The following CDC27 variants were observed in gnomAD, a reference collection of about 807,000 sequenced individuals.
CDC27 encodes the protein cell division cycle 27.
CDC27 carries 27 observed loss-of-function variants against 109.7 expected under a neutral mutation model. That is an observed-to-expected ratio of 0.25 (90% CI 0.18 to 0.34). CDC27 has a LOEUF of 0.34. CDC27 is among the 10% of genes least tolerant of loss of function. CDC27 has a pLI of 1.00. For synonymous variants in CDC27, 266 were observed against 333.9 expected (o/e 0.80, Z 2.22); for missense variants, 579 against 960.2 (o/e 0.60, Z 5.25).
chr17:47,183,169 T>C (rs1232488026), intron 1 of CDC27, among the ~76,000 whole-genome samples: 1 of 152,232 alleles, frequency 6.6e-6, no homozygotes, highest in Non-Finnish European at 1.5e-5. Flanking sequence ...CACCTGATCA[T>C]GATACAAGCG....
At chr17:47,181,862 T>C (rs1313207560) in intron 1 of CDC27, among the ~76,000 whole-genome samples, 1 of 152,216 alleles carries the variant, frequency 6.6e-6, no homozygotes, top group Admixed American at 6.5e-5. Context: ...ACTTTTAGGC[T>C]TCTGTGCCTT....
chr17:47,144,871 T>TCACACACACACACACACACA (rs35160918), intron 9 of CDC27, among the ~76,000 whole-genome samples: 2,743 of 149,946 alleles, frequency 0.018, 43 homozygotes, highest in Non-Finnish European at 0.027. Flanking sequence ...TGTGTGTATA[T>TCACACACACACACACACACA]CACACACACA....
rs1651155104 is a variant in CDC27, at chr17:47,118,765, A to G, written c.*2170T>C. The G allele has an allele frequency of 6.6e-6, 1 of 152,574 alleles. No homozygotes were observed. Among genetic ancestry groups the G allele is most frequent in the African/African-American group, 2.4e-5 (1 of 41,450 alleles). The allele number at this position is 152,574 out of a possible 1,614,324, so 9.5% of individuals were successfully genotyped here. ...CAAAAAAAGAAACTGCAAAAGCCAG[A>G]AAGTGTTACTACGTGGGAAATAAGG... On this transcript the variant is annotated 3_prime_UTR_variant, in exon 19 of 19. Coordinates refer to ENST00000066544, the MANE Select transcript of CDC27 (RefSeq NM_001256.6).
Position 47,189,249 on chromosome 17 carries a change from A to G in CDC27, c.-77T>C, listed in dbSNP as rs1312219441. The G allele has an allele frequency of 1.8e-6, 2 of 1,133,664 alleles. No individual in the cohort carries two copies. The highest frequency in any genetic ancestry group is 1.2e-5 in the South Asian group (1 of 80,898). The allele number at this position is 1,133,664 out of a possible 1,614,324, so 70.2% of individuals were successfully genotyped here. On this transcript the variant is annotated 5_prime_UTR_variant, in exon 1 of 19. An upstream start codon of the reference 5' UTR is lost. Transcript: ENST00000066544. ...GCTCCGGCCCGGCCAGCCCCTGCTCATTTAAACTCACCAGCGACCGTTACC... is the reference window on the plus strand; with the variant it reads ...GCTCCGGCCCGGCCAGCCCCTGCTCGTTTAAACTCACCAGCGACCGTTACC...
In CDC27 at chr17:47,132,330, A is replaced by G; in HGVS notation, c.1958T>C (p.Leu653Pro). ...MIYYKQEKFSLAEMHFQKALD... is the reference protein window; with the variant it reads ...MIYYKQEKFSPAEMHFQKALD... ...CGCTTTTTGGAAATGCATTTCTGCAAGGCTGAATTTTTCTTGCTTGTAATA... is the reference window on the plus strand; with the variant it reads ...CGCTTTTTGGAAATGCATTTCTGCAGGGCTGAATTTTTCTTGCTTGTAATA... The change falls in exon 15 of 19, where the codon CTT (leucine) becomes CCT (proline). Residue 653 changes from leucine to proline, a missense_variant. Physicochemically the swap from Leu to Pro is moderately conservative, Grantham distance 98 (BLOSUM62 -3). Around this residue, in one of 9 missense-constraint regions of CDC27, gnomAD observed 227 missense variants for 363.6 expected, o/e 0.62. Coordinates refer to ENST00000066544, the MANE Select transcript of CDC27 (RefSeq NM_001256.6). 1 of 1,606,100 alleles carries G rather than the reference A, an allele frequency of 6.2e-7. No individual in the cohort carries two copies. Among genetic ancestry groups the G allele is most frequent in the South Asian group, 1.1e-5 (1 of 89,752 alleles).
intron 2 of CDC27, among the ~76,000 whole-genome samples, chr17:47,175,823 A>G (rs944047964): frequency 6.6e-6 from 1 of 152,182 alleles, no homozygotes; most frequent in Non-Finnish European, 1.5e-5. Flanking sequence ...CTCAAAAGAA[A>G]AAAAATAAAA....
At chr17:47,172,947 G>A (rs2063857476) in intron 2 of CDC27, among the ~76,000 whole-genome samples, 1 of 152,318 alleles carries the variant, frequency 6.6e-6, no homozygotes, top group East Asian at 1.9e-4. Flanking sequence ...TGTGGTCCTT[G>A]TACCAGTATC....
intron 1 of CDC27, 64 bp downstream of exon 1, chr17:47,189,082 C>G: frequency 6.4e-7 from 1 of 1,564,584 alleles, no homozygotes; most frequent in South Asian, 1.1e-5. Flanking sequence ...CGCGGAGTGG[C>G]CCTACGCTGC....
intron 4 of CDC27, among the ~76,000 whole-genome samples, chr17:47,164,262 T>C (rs189495010): frequency 2.2e-4 from 34 of 152,360 alleles, no homozygotes; most frequent in Admixed American, 7.2e-4. Context: ...CATATGCACT[T>C]TATGATGTTC....
chr17:47,145,821 C>T (rs1381644653), intron 9 of CDC27, among the ~76,000 whole-genome samples: 2 of 151,568 alleles, frequency 1.3e-5, no homozygotes, highest in Non-Finnish European at 2.9e-5. Context: ...CACTTGAACC[C>T]GGGAGGTGGA....
At chr17:47,133,009 A>ATATATATT (rs2148825911) in intron 14 of CDC27, among the ~76,000 whole-genome samples, 2 of 42,284 alleles carry the variant, frequency 4.7e-5, no homozygotes, top group South Asian at 1.6e-3. Context: ...ATATATATAT[A>ATATATATT]TATATATATA....
chr17:47,147,533 G>C (rs1190292870), intron 9 of CDC27, among the ~76,000 whole-genome samples: 4 of 151,670 alleles, frequency 2.6e-5, no homozygotes, highest in Admixed American at 6.6e-5. Flanking sequence ...AACAGACTTA[G>C]TAGGCAAAAA....
chr17:47,121,826 G>C lies in CDC27; in HGVS notation c.2392+618C>G, dbSNP rs1386381239. Among the ~76,000 whole-genome samples the C allele has an allele frequency of 4.0e-5, 6 of 151,542 alleles. No homozygotes were observed. In the East Asian group the frequency reaches 1.2e-3, roughly 29 times the overall value. On this transcript the variant is annotated intron_variant, in intron 18 of 18. Transcript: ENST00000066544. Reference sequence around the variant, plus strand: ...GTGATTTCGGCTCACTGCAACTTCAGCCTCCTGGGTTCAAGCAATTCTCCT... The same window carrying C: ...GTGATTTCGGCTCACTGCAACTTCACCCTCCTGGGTTCAAGCAATTCTCCT...
At chr17:47,147,661 G>T (rs1203565603) in intron 9 of CDC27, among the ~76,000 whole-genome samples, 4 of 152,036 alleles carry the variant, frequency 2.6e-5, no homozygotes, top group Admixed American at 2.6e-4. Flanking sequence ...CTTCAGGCCC[G>T]GAGGTCAAGA....
rs147410397 is a variant in CDC27, at chr17:47,146,771, T to C, written c.1071-2789A>G. Among the ~76,000 whole-genome samples the C allele has an allele frequency of 6.8e-4, 104 of 152,176 alleles. 4 individuals are homozygous for C. The East Asian group carries it at 0.02, about 29-fold the overall frequency. The stretch of plus-strand genomic sequence containing the variant: ...TGCAAAAATATCCAGTAATCAACAA[T>C]GTAAAATTTATAGCCAGGCACAGTG... On this transcript the variant is annotated intron_variant, in intron 9 of 18. Transcript: ENST00000066544.
chr17:47,129,658 T>C, intron 15 of CDC27, 137 bp from the exon 16 acceptor site: 1 of 484,432 alleles, frequency 2.1e-6, no homozygotes, highest in Non-Finnish European at 3.7e-6. Flanking sequence ...TCCACTGCAT[T>C]AAGTGGATTT....
intron 4 of CDC27, among the ~76,000 whole-genome samples, chr17:47,158,518 C>G (rs534159532): frequency 6.6e-6 from 1 of 152,204 alleles, no homozygotes. Flanking sequence ...AACAAACTAT[C>G]GTTGCCTTCT....
intron 2 of CDC27, among the ~76,000 whole-genome samples, chr17:47,173,141 T>A (rs1482909576): frequency 3.3e-5 from 5 of 152,228 alleles, no homozygotes; most frequent in African/African-American, 1.2e-4. Context: ...GCCACATCTT[T>A]TTAAATAGTT....
In CDC27 at chr17:47,121,032, CAG is replaced by C. The variant is rs1487487594; in HGVS notation, c.2393-17_2393-16del. 2 of 1,557,792 alleles carry C rather than the reference CAG, an allele frequency of 1.3e-6. No individual in the cohort carries two copies. Among genetic ancestry groups the C allele is most frequent in the Non-Finnish European group, 1.8e-6 (2 of 1,132,796 alleles). On this transcript the variant is annotated splice_polypyrimidine_tract_variant and intron_variant, in intron 18 of 18. Transcript: ENST00000066544. ...ATCTGTTCCCACTTTAAAAATAAAA[CAG>C]AAGTCCACAGTAAGTTTTCTGACAA...
Sources: allele counts gnomAD v4.1 joint callset (sites outside exome capture counted in the v4.1 genomes callset), GRCh38; gene constraint gnomAD v4.1.1; regional missense constraint gnomAD v4.1.1; transcripts MANE v1.5; gene names NCBI Gene and HGNC (gene_info 2026-07-23, HGNC 2026-07-21).